The following ARL5B variants were observed in gnomAD, a reference collection of about 807,000 sequenced individuals.
The protein encoded by ARL5B is ADP-ribosylation factor-like protein 5B.
Under a neutral mutation model 26.9 loss-of-function variants are expected in ARL5B, and 10 were observed. The ratio of observed to expected loss-of-function variants is 0.37; its 90% CI spans 0.23 to 0.63. The LOEUF (loss-of-function observed/expected upper bound fraction) is 0.63. ARL5B is among the 30% of genes least tolerant of loss of function. The pLI is 0.62. For synonymous variants in ARL5B, 87 were observed against 70.4 expected (o/e 1.24, Z -1.18); for missense variants, 167 against 213.9 (o/e 0.78, Z 1.37).
intron 3 of ARL5B, among the ~76,000 whole-genome samples, chr10:18,669,942 C>T (rs1486975254): frequency 6.8e-6 from 1 of 147,118 alleles, no homozygotes; most frequent in African/African-American, 2.5e-5. Context: ...TGCAGTGAGC[C>T]GAGGTGGCAC....
chr10:18,662,731 T>A (rs1472573447), intron 1 of ARL5B, among the ~76,000 whole-genome samples: 1 of 150,972 alleles, frequency 6.6e-6, no homozygotes, highest in Non-Finnish European at 1.5e-5. Context: ...TGAGATGGAG[T>A]CTCACTCTGT....
Position 18,675,327 on chromosome 10 carries a change from CTG to C in ARL5B, c.*112_*113del. On this transcript the variant is annotated 3_prime_UTR_variant, in exon 6 of 6. Transcript: ENST00000377275. ...GTTTAATTTATAACAACACAAACCT[CTG>C]AGAGCAACACTTGAATCAAGTGCAG... The C allele has an allele frequency of 2.9e-6, 3 of 1,024,812 alleles. No individual in the cohort carries two copies. Among genetic ancestry groups the C allele is most frequent in the Non-Finnish European group, 4.5e-6 (3 of 669,544 alleles). 63.5% of individuals were successfully genotyped at this position (1,024,812 alleles called of 1,614,324 possible). A position where few individuals can be genotyped will look rare whatever the true frequency, so the allele number is the denominator to read the frequency against.
Position 18,659,505 on chromosome 10 carries a change from C to T in ARL5B, c.-133C>T, listed in dbSNP as rs866481286. ...TCTGAGTGGTCGGGTCGAGGCTTCT[C>T]GGCCTAGCAGTGCCCTCGCTGCGCG... is the stretch of plus-strand genomic sequence containing the variant. On this transcript the variant is annotated 5_prime_UTR_variant, in exon 1 of 6. Transcript: ENST00000377275. The T allele has an allele frequency of 1.0e-5, 12 of 1,182,584 alleles. 1 individual carries two copies. Among genetic ancestry groups the T allele is most frequent in the South Asian group, 5.0e-5 (3 of 60,202 alleles). The allele number at this position is 1,182,584 out of a possible 1,614,324, so 73.3% of individuals were successfully genotyped here. A position where few individuals can be genotyped will look rare whatever the true frequency, so the allele number is the denominator to read the frequency against.
At chr10:18,674,542 A>C (rs2059902393) in intron 5 of ARL5B, among the ~76,000 whole-genome samples, 1 of 152,152 alleles carries the variant, frequency 6.6e-6, no homozygotes, top group Non-Finnish European at 1.5e-5. Context: ...CTTCTTTATT[A>C]TTAGGAGGTC....
rs1344627149 is a variant in ARL5B at position 18,680,086 on chromosome 10, AAAAC to A, written c.*4874_*4877del. ...GTGCTGTGCATAGCTTTTGGAATAG[AAAAC>A]AAAGTTTTAAAAGAATGGATATGTT... is the stretch of plus-strand genomic sequence containing the variant. On this transcript the variant is annotated 3_prime_UTR_variant, in exon 6 of 6. Coordinates refer to ENST00000377275, the MANE Select transcript of ARL5B (RefSeq NM_178815.5). The A allele has an allele frequency of 1.3e-5, 2 of 152,052 alleles. No homozygotes were observed. The highest frequency in any genetic ancestry group is 2.4e-5 in the African/African-American group (1 of 41,450). 9.4% of individuals were successfully genotyped at this position (152,052 alleles called of 1,614,324 possible). A position where few individuals can be genotyped will look rare whatever the true frequency, so the allele number is the denominator to read the frequency against.
rs1477249538 is a variant in ARL5B, at chr10:18,677,194, A to G, written c.*1978A>G. ...AGTACTCCTGTATTTGTTCTTATGA[A>G]ATGACTATCTGCCTTCTTGTATCTA... On this transcript the variant is annotated 3_prime_UTR_variant, in exon 6 of 6. Transcript: ENST00000377275. 1 of 151,844 alleles carries G rather than the reference A, an allele frequency of 6.6e-6. No individual in the cohort carries two copies. The highest frequency in any genetic ancestry group is 2.4e-5 in the African/African-American group (1 of 41,262). 9.4% of individuals were successfully genotyped at this position (151,844 alleles called of 1,614,324 possible).
chr10:18,675,062 T>C (rs2059904387), intron 5 of ARL5B, 106 bp from the exon 6 acceptor site: 1 of 936,996 alleles, frequency 1.1e-6, no homozygotes, highest in African/African-American at 1.7e-5. Flanking sequence ...TGTATATAAA[T>C]AATGATTGTG....
At chr10:18,672,531 A>C in intron 3 of ARL5B, 91 bp from the exon 4 acceptor site, 1 of 841,818 alleles carries the variant, frequency 1.2e-6, no homozygotes. Flanking sequence ...GATGCCATGT[A>C]GAGAAAGTAC....
At chr10:18,663,977 C>T (rs527315986) in intron 1 of ARL5B, among the ~76,000 whole-genome samples, 38 of 142,362 alleles carry the variant, frequency 2.7e-4, no homozygotes, top group African/African-American at 7.9e-4. Flanking sequence ...TTGTTTGAGA[C>T]GGAGTGTTGC....
intron 1 of ARL5B, among the ~76,000 whole-genome samples, chr10:18,661,736 G>A (rs761729914): frequency 1.3e-5 from 2 of 152,208 alleles, no homozygotes; most frequent in African/African-American, 4.8e-5. Context: ...ATACTTGGAC[G>A]TAATGTAATG....
intron 1 of ARL5B, among the ~76,000 whole-genome samples, chr10:18,661,855 T>C (rs1045845611): frequency 6.6e-6 from 1 of 152,190 alleles, no homozygotes; most frequent in African/African-American, 2.4e-5. Context: ...AGTTTGGTAC[T>C]TTTAGGGAAG....
At chr10:18,663,098 T>A (rs769423927) in intron 1 of ARL5B, among the ~76,000 whole-genome samples, 1 of 152,114 alleles carries the variant, frequency 6.6e-6, no homozygotes, top group Non-Finnish European at 1.5e-5. Flanking sequence ...CACCTTTGCC[T>A]CCCAAGTTCA....
chr10:18,667,102 A>G (rs553103036), intron 2 of ARL5B, among the ~76,000 whole-genome samples: 2 of 152,364 alleles, frequency 1.3e-5, no homozygotes, highest in African/African-American at 2.4e-5. Context: ...TGAGACTTTC[A>G]GAGAAATCTG....
intron 3 of ARL5B, among the ~76,000 whole-genome samples, chr10:18,671,768 C>A (rs2059888812): frequency 6.6e-6 from 1 of 151,832 alleles, no homozygotes; most frequent in African/African-American, 2.4e-5. Flanking sequence ...AGGCTCAAAG[C>A]AGTCCTCCCA....
chr10:18,659,605 C>T lies in ARL5B; in HGVS notation c.-33C>T, dbSNP rs775884724. 5 of 1,602,156 alleles carry T rather than the reference C, an allele frequency of 3.1e-6. No individual in the cohort carries two copies. Among genetic ancestry groups the T allele is most frequent in the Admixed American group, 3.4e-5 (2 of 58,832 alleles). On this transcript the variant is annotated 5_prime_UTR_variant, in exon 1 of 6. Transcript: ENST00000377275. ...GACCCGGCGCAGCGGCACCTGCTGC[C>T]GAGGGACCCCGCGGCCCGCCCCGGT...
Position 18,674,911 on chromosome 10 carries a change from C to T in ARL5B, c.492-257C>T, listed in dbSNP as rs149140430. Among the ~76,000 whole-genome samples the T allele has an allele frequency of 1.9e-3, 296 of 152,210 alleles. 1 individual carries two copies. Among genetic ancestry groups the T allele is most frequent in the African/African-American group, 6.9e-3 (285 of 41,542 alleles). ...AATTTTAAAAGGCGGGGAGTATTTG[C>T]ACTCTTCATGGCAAAACTGGCAAAG... On this transcript the variant is annotated intron_variant, in intron 5 of 5. Coordinates refer to ENST00000377275, the MANE Select transcript of ARL5B (RefSeq NM_178815.5).
At chr10:18,661,982 A>C (rs1300532648) in intron 1 of ARL5B, among the ~76,000 whole-genome samples, 1 of 152,206 alleles carries the variant, frequency 6.6e-6, no homozygotes, top group Non-Finnish European at 1.5e-5. Flanking sequence ...GTTGACTAAG[A>C]CATTAAACTC....
At chr10:18,659,976 G>A in intron 1 of ARL5B, 2 of 976,300 alleles carry the variant, frequency 2.0e-6, no homozygotes, top group Non-Finnish European at 1.2e-6. Context: ...GCCAGGAGGC[G>A]TATGGAGGGC....
chr10:18,668,709 A>G (rs200761256), intron 3 of ARL5B, 32 bp downstream of exon 3: 8 of 1,606,910 alleles, frequency 5.0e-6, no homozygotes, highest in Middle Eastern at 1.7e-4. Flanking sequence ...ATTTTAATCC[A>G]AAGGTCCCTA....
Sources: gnomAD v4.1 joint callset for allele counts (sites outside exome capture counted in the v4.1 genomes callset) on GRCh38, gnomAD v4.1.1 for gene constraint, MANE v1.5 for transcripts, NCBI Gene and HGNC (gene_info 2026-07-23, HGNC 2026-07-21) for gene names.